Variants in CFAP65 observed in about 807,000 individuals in gnomAD.
CFAP65 encodes the protein cilia and flagella associated protein 65.
A neutral mutation model predicts 208.0 loss-of-function variants in CFAP65; 155 were observed. The ratio of observed to expected loss-of-function variants is 0.75; its 90% CI spans 0.65 to 0.85. The LOEUF is 0.85. Ranked by LOEUF, CFAP65 falls within the 40% of genes least tolerant of loss-of-function variation. The pLI is 0.00. For synonymous variants in CFAP65, 970 were observed against 986.3 expected, an observed-to-expected ratio of 0.98 and a Z score of 0.31; for missense variants, 2,294 against 2,451.3, an observed-to-expected ratio of 0.94 and a Z score of 1.36.
chr2:219,016,971 C>T (rs973331873), intron 21 of CFAP65, among the ~76,000 whole-genome samples: 1 of 152,280 alleles, frequency 6.6e-6, no homozygotes, highest in Non-Finnish European at 1.5e-5. Context: ...GCTTCACAAC[C>T]TTTCTGCCTT....
At chr2:219,011,095 C>A in intron 24 of CFAP65, 99 bp from the exon 25 acceptor site, 1 of 1,113,218 alleles carries the variant, frequency 9.0e-7, no homozygotes, top group Non-Finnish European at 1.3e-6. Context: ...AGGCTGATCT[C>A]CATGATGTCA....
At chr2:219,037,905 G>C (rs1044504204) in intron 4 of CFAP65, among the ~76,000 whole-genome samples, 2 of 152,144 alleles carry the variant, frequency 1.3e-5, no homozygotes, top group African/African-American at 2.4e-5. Flanking sequence ...GAACTACAAA[G>C]AGCTGCAAAA....
chr2:219,040,608 T>C, intron 1 of CFAP65, 44 bp from the exon 2 acceptor site: 4 of 1,552,246 alleles, frequency 2.6e-6, no homozygotes, highest in South Asian at 1.2e-5. Context: ...TGCCACGGGA[T>C]GGTCTTGCAG....
At position 219,003,972 on chromosome 2, in the gene CFAP65, G is replaced by T; in HGVS notation, c.5535C>A (p.Asp1845Glu). Residue 1845 changes from aspartate to glutamate, a missense_variant, in exon 33 of 35, where the codon GAC (aspartate) becomes GAA (glutamate). Physicochemically the swap from Asp to Glu is conservative, Grantham distance 45. Coordinates refer to ENST00000341552, the MANE Select transcript of CFAP65 (RefSeq NM_194302.4). The surrounding 1 kb of genome is among the most constrained non-coding windows in gnomAD (Gnocchi z 4.4). ...CTCACCTTCTGATGGCCTCCTTCTC[G>T]TCCTGTTCTTGCTCCTCCTTCACCA... is the stretch of plus-strand genomic sequence containing the variant. ...NVMVKEEQEQ[D>E]EKEAIRRLPA... is the part of the protein sequence containing the mutation. 1 of 1,613,124 alleles carries T rather than the reference G, an allele frequency of 6.2e-7. No individual in the cohort carries two copies. The highest frequency in any genetic ancestry group is 8.5e-7 in the Non-Finnish European group (1 of 1,179,512).
Position 219,003,056 on chromosome 2 carries a change from C to G in CFAP65, c.5694-35G>C, listed in dbSNP as rs1206295853. 6.4e-7 allele frequency: 1 copy of G among 1,551,188 alleles called. No homozygotes were observed. The highest frequency in any genetic ancestry group is 8.7e-7 in the Non-Finnish European group (1 of 1,146,890). ...AAAAAGTCCCAGGTAGGCGTGGGGG[C>G]GAGGCTTCGGGCAGAGCCTGGCTGC... On this transcript the variant is annotated intron_variant, in intron 34 of 34. Transcript: ENST00000341552. The surrounding 1 kb of genome is among the most constrained non-coding windows in gnomAD (Gnocchi z 4.4).
Position 219,012,071 on chromosome 2 carries a change from C to CCACCAAA in CFAP65, c.3958-1082_3958-1076dup, listed in dbSNP as rs112465337. 6.8e-3 allele frequency among the ~76,000 whole-genome samples: 1,035 copies of CCACCAAA among 152,334 alleles called. 18 individuals carry two copies. The highest frequency in any genetic ancestry group is 0.023 in the African/African-American group (960 of 41,586). ...AGCCACTGAACCAGGAAGTGGGCCC[C>CCACCAAA]CACCAAACCTGCCCATGTCTTGATC... On this transcript the variant is annotated intron_variant, in intron 24 of 34. Coordinates refer to ENST00000341552, the MANE Select transcript of CFAP65 (RefSeq NM_194302.4).
At chr2:219,005,343 A>G (rs1945888988) in intron 32 of CFAP65, 91 bp downstream of exon 32, 2 of 1,533,120 alleles carry the variant, frequency 1.3e-6, no homozygotes, top group Admixed American at 1.7e-5. Context: ...ATTTCTCAAG[A>G]AAGGAAGAGT....
rs1476822766 is a variant in CFAP65 at position 219,013,387 on chromosome 2, C to T, written c.3847-18G>A. The T allele has an allele frequency of 3.2e-6, 5 of 1,586,096 alleles. No individual in the cohort carries two copies. In the African/African-American group the frequency reaches 6.7e-5, roughly 21 times the overall value. The stretch of plus-strand genomic sequence containing the variant: ...AAATTTAGCTGGAAATAAAAGTTCC[C>T]CCGGAGGAACTGACACAGCCAGTGG... On this transcript the variant is annotated intron_variant, in intron 23 of 34. Transcript: ENST00000341552.
rs1327347606 is a variant in CFAP65, at chr2:219,039,183, C to T, written c.-2-133G>A. ...TATATGCCAGATGCTATGTATATGC[C>T]AGATGCTATGTATGCATACATGTCT... is the stretch of plus-strand genomic sequence containing the variant. On this transcript the variant is annotated intron_variant, in intron 2 of 34. Transcript: ENST00000341552. The T allele has an allele frequency of 4.0e-6, 3 of 743,818 alleles. No homozygotes were observed. The East Asian group carries it at 8.5e-5, about 21-fold the overall frequency. 46.1% of individuals were successfully genotyped at this position (743,818 alleles called of 1,614,324 possible).
rs746902001 is a variant in CFAP65, at chr2:219,010,824, A to T, written c.4130T>A (p.Ile1377Asn). ...GCTCACCGTGTAGGTCTTGGCCTCG[A>T]TAGGTGAGAAGATCCACAAGACCCG... Reference protein sequence around the residue: ...TARVLWIFSPIEAKTYTVDVP... With the variant: ...TARVLWIFSPNEAKTYTVDVP... Residue 1377 changes from isoleucine to asparagine, a missense_variant, in exon 25 of 35, where the codon ATC (isoleucine) becomes AAC (asparagine). This residue lies in a region of CFAP65 where 1,427 missense variants were observed against 1,438.7 expected (regional missense o/e 0.99). Coordinates refer to ENST00000341552, the MANE Select transcript of CFAP65 (RefSeq NM_194302.4). The T allele has an allele frequency of 6.2e-7, 1 of 1,607,602 alleles. No homozygotes were observed.
At chr2:219,038,324 C>A in intron 4 of CFAP65, 51 bp downstream of exon 4, 1 of 1,586,416 alleles carries the variant, frequency 6.3e-7, no homozygotes, top group Non-Finnish European at 8.6e-7. Context: ...CACCCATGCC[C>A]CGCCCTGGCC....
At chr2:219,033,045 C>T (rs569692735) in intron 5 of CFAP65, among the ~76,000 whole-genome samples, 1 of 152,090 alleles carries the variant, frequency 6.6e-6, no homozygotes, top group East Asian at 1.9e-4. Flanking sequence ...CAACTTTACA[C>T]CAACAAATGT....
At chr2:219,040,714 C>T in intron 1 of CFAP65, 150 bp from the exon 2 acceptor site, 13 of 1,189,206 alleles carry the variant, frequency 1.1e-5, no homozygotes, top group Non-Finnish European at 1.4e-5. Context: ...ACACATGAAA[C>T]TATTCCAGAG....
intron 19 of CFAP65, 110 bp from the exon 20 acceptor site, chr2:219,019,829 A>T: frequency 2.5e-6 from 2 of 811,448 alleles, no homozygotes; most frequent in Non-Finnish European, 4.1e-6. Flanking sequence ...CAGGACCCTC[A>T]TCAGGAGCAG....
chr2:219,021,157 T>C lies in CFAP65; in HGVS notation c.3254A>G (p.His1085Arg), dbSNP rs767069946. Residue 1085 changes from histidine (H) to arginine (R), a missense_variant, in exon 19 of 35, where the codon CAC (histidine) becomes CGC (arginine). Transcript: ENST00000341552. The part of the protein sequence containing the change: ...SWTITYSLLS[H>R]RDNKAGEKQE... ...ATGCCAGGCAGTCTAGGTACCTCTG[T>C]GGGAAAGGAGAGAGTAGGTGATGGT... The C allele has an allele frequency of 6.4e-7, 1 of 1,558,816 alleles. No homozygotes were observed. Among genetic ancestry groups the C allele is most frequent in the Non-Finnish European group, 8.7e-7 (1 of 1,150,380 alleles).
intron 27 of CFAP65, 57 bp from the exon 28 acceptor site, chr2:219,009,517 G>T: frequency 1.7e-6 from 2 of 1,197,050 alleles, no homozygotes; most frequent in Middle Eastern, 1.9e-4. Context: ...TGGATAGGAT[G>T]GCACGGAATA....
At chr2:219,037,361 C>T (rs190470405) in intron 4 of CFAP65, among the ~76,000 whole-genome samples, 2 of 152,322 alleles carry the variant, frequency 1.3e-5, no homozygotes, top group East Asian at 1.9e-4. Flanking sequence ...CATTGCACTC[C>T]AGCCCTGGTG....
intron 20 of CFAP65, 139 bp from the exon 21 acceptor site, chr2:219,019,318 C>G: frequency 8.4e-7 from 1 of 1,196,618 alleles, no homozygotes; most frequent in Non-Finnish European, 1.2e-6. Flanking sequence ...GGTGGGCTGG[C>G]TCTTCAGACC....
At chr2:219,018,819 A>C in intron 21 of CFAP65, 2 of 580,652 alleles carry the variant, frequency 3.4e-6, no homozygotes, top group Non-Finnish European at 6.3e-6. Flanking sequence ...AGGCTCCATC[A>C]GGGCAGTCCC....
Sources: gnomAD v4.1 joint callset for allele counts (sites outside exome capture counted in the v4.1 genomes callset) on GRCh38, gnomAD v4.1.1 for gene constraint, gnomAD v4.1.1 regional missense constraint, Gnocchi (gnomAD v3.1) non-coding constraint, MANE v1.5 for transcripts, NCBI Gene and HGNC (gene_info 2026-07-23, HGNC 2026-07-21) for gene names.